Variants in GRID2 observed in about 807,000 individuals in gnomAD.
The protein encoded by GRID2 is glutamate ionotropic receptor delta type subunit 2, also known as glutamate receptor ionotropic, delta-2.
GRID2 carries 33 observed loss-of-function variants against 114.8 expected under a neutral mutation model. That is an observed-to-expected ratio of 0.29 (90% CI 0.22 to 0.38). The LOEUF (loss-of-function observed/expected upper bound fraction) is 0.38. Ranked by LOEUF, GRID2 falls within the 10% of genes least tolerant of loss-of-function variation. The pLI, the probability that GRID2 is intolerant of heterozygous loss-of-function variation, is 1.00. For synonymous variants in GRID2, 505 were observed against 449.9 expected (o/e 1.12, Z -1.55); for missense variants, 1,184 against 1,257.7 (o/e 0.94, Z 0.89).
chr4:92,410,260 C>T (rs1304392550), intron 1 of GRID2, among the ~76,000 whole-genome samples: 3 of 152,090 alleles, frequency 2.0e-5, no homozygotes, highest in Non-Finnish European at 4.4e-5. Context: ...AGGCTTCTTC[C>T]CATGACAGAG....
At chr4:93,569,758 C>G (rs1340280744) in intron 13 of GRID2, among the ~76,000 whole-genome samples, 1 of 152,054 alleles carries the variant, frequency 6.6e-6, no homozygotes, top group Admixed American at 6.6e-5. Flanking sequence ...ATGTGTATTT[C>G]ACCTCAAAGA....
chr4:93,678,373 A>G (rs1725134778), intron 14 of GRID2, among the ~76,000 whole-genome samples: 1 of 152,236 alleles, frequency 6.6e-6, no homozygotes. Context: ...ATCCAGGACA[A>G]CTTCCCCAAT....
intron 2 of GRID2, among the ~76,000 whole-genome samples, chr4:92,692,520 T>C (rs1024810329): frequency 2.6e-5 from 4 of 152,198 alleles, no homozygotes; most frequent in Non-Finnish European, 5.9e-5. Flanking sequence ...CTAAGTATAC[T>C]TAATAATATA....
chr4:93,690,306 T>C (rs1726445434), intron 14 of GRID2, among the ~76,000 whole-genome samples: 1 of 151,986 alleles, frequency 6.6e-6, no homozygotes, highest in Admixed American at 6.6e-5. Context: ...GAGGCAGGTG[T>C]GGAGGAAGGG....
chr4:93,618,943 T>TA (rs1741959554), intron 13 of GRID2, among the ~76,000 whole-genome samples: 2 of 152,300 alleles, frequency 1.3e-5, no homozygotes, highest in South Asian at 4.1e-4. Flanking sequence ...TTAAAAACTT[T>TA]AAAAAATATA....
intron 2 of GRID2, among the ~76,000 whole-genome samples, chr4:92,942,748 C>A (rs1751261624): frequency 6.6e-6 from 1 of 152,096 alleles, no homozygotes; most frequent in South Asian, 2.1e-4. Context: ...TTCAGGAGCT[C>A]TTTTAGGGCA....
Position 92,577,289 on chromosome 4 carries a change from G to T in GRID2, c.89-12842G>T, listed in dbSNP as rs550838376. Reference sequence around the variant, plus strand: ...AAGATTTCTCATATAGAGTATACAGGGGATGTCAGGGACCTGTCACTGGCT... The same window carrying T: ...AAGATTTCTCATATAGAGTATACAGTGGATGTCAGGGACCTGTCACTGGCT... On this transcript the variant is annotated intron_variant, in intron 1 of 15. Coordinates refer to ENST00000282020, the MANE Select transcript of GRID2 (RefSeq NM_001510.4). 8.8e-4 allele frequency among the ~76,000 whole-genome samples: 134 copies of T among 152,226 alleles called. 1 individual carries two copies. In the South Asian group the frequency reaches 0.027, roughly 30 times the overall value.
chr4:93,031,707 GCCTCC>G (rs1360180403), intron 2 of GRID2, among the ~76,000 whole-genome samples: 1 of 151,700 alleles, frequency 6.6e-6, no homozygotes, highest in East Asian at 1.9e-4. Flanking sequence ...AGATTGTGAG[GCCTCC>G]CCAGTCATGT....
intron 13 of GRID2, among the ~76,000 whole-genome samples, chr4:93,597,406 G>C (rs1301114882): frequency 2.0e-5 from 3 of 152,144 alleles, no homozygotes; most frequent in Non-Finnish European, 2.9e-5. Flanking sequence ...CAGTCTTCTA[G>C]TTCACAGGGA....
chr4:92,608,329 A>G (rs1729561717), intron 2 of GRID2, among the ~76,000 whole-genome samples: 1 of 151,856 alleles, frequency 6.6e-6, no homozygotes, highest in Non-Finnish European at 1.5e-5. Context: ...CAATCTTCAT[A>G]TACCAAAGTC....
intron 4 of GRID2, among the ~76,000 whole-genome samples, chr4:93,199,951 G>A (rs1455573178): frequency 1.3e-5 from 2 of 152,136 alleles, no homozygotes; most frequent in Non-Finnish European, 2.9e-5. Context: ...CCTTGAGAAG[G>A]TTGGAGTTTC....
intron 1 of GRID2, among the ~76,000 whole-genome samples, chr4:92,553,440 G>A (rs1243574860): frequency 1.3e-5 from 2 of 151,926 alleles, no homozygotes; most frequent in African/African-American, 4.8e-5. Context: ...GTTTCTTTAG[G>A]AGAATGTCAT....
rs192317492 is a variant in GRID2, at chr4:93,169,406, T to G, written c.736-37998T>G. Among the ~76,000 whole-genome samples the G allele has an allele frequency of 4.6e-5, 7 of 152,292 alleles. No homozygotes were observed. In the East Asian group the frequency reaches 1.4e-3, roughly 29 times the overall value. On this transcript the variant is annotated intron_variant, in intron 4 of 15. Transcript: ENST00000282020. ...TCTCGAAAATATGATATTCACAGTC[T>G]TACCAAGATTTTAATGTCCAGTGAT... is the stretch of plus-strand genomic sequence containing the variant.
chr4:92,934,591 G>C (rs1158141156), intron 2 of GRID2, among the ~76,000 whole-genome samples: 2 of 146,338 alleles, frequency 1.4e-5, no homozygotes, highest in African/African-American at 2.4e-5. Context: ...TCAATCCTAA[G>C]CCAAAAGAAC....
Position 93,784,029 on chromosome 4 carries a change from G to A in GRID2, c.221+14579G>A, listed in dbSNP as rs564388498. On this transcript the variant is annotated intron_variant, in intron 1 of 1. Coordinates refer to the GRID2 transcript ENST00000637838. ...GGAGCTTGCAGTGAGCCGAGATCCCGCCACTGCACTCCAGCCTGGGCGACA... is the reference window on the plus strand; with the variant it reads ...GGAGCTTGCAGTGAGCCGAGATCCCACCACTGCACTCCAGCCTGGGCGACA... Among the ~76,000 whole-genome samples, 11 of 113,408 alleles carry A rather than the reference G, an allele frequency of 9.7e-5. No homozygotes were observed. The South Asian group carries it at 2.7e-3, about 28-fold the overall frequency. The allele number at this position is 113,408 out of a possible 152,430, so 74.4% of individuals were successfully genotyped here. A position where few individuals can be genotyped will look rare whatever the true frequency, so the allele number is the denominator to read the frequency against.
At position 92,520,317 on chromosome 4, in the gene GRID2, T is replaced by C. The variant is rs201779774; in HGVS notation, c.89-69814T>C. Among the ~76,000 whole-genome samples the C allele has an allele frequency of 1.9e-4, 29 of 151,634 alleles. 3 individuals are homozygous for C. In the East Asian group the frequency reaches 5.7e-3, roughly 30 times the overall value. On this transcript the variant is annotated intron_variant, in intron 1 of 15. Coordinates refer to ENST00000282020, the MANE Select transcript of GRID2 (RefSeq NM_001510.4). ...AGTCAACATACCTTATGTTACATGA[T>C]GAGGAAATAAGAGAAGGAAGAAAAC...
At chr4:93,568,014 G>T (rs896720733) in intron 13 of GRID2, among the ~76,000 whole-genome samples, 9 of 152,144 alleles carry the variant, frequency 5.9e-5, no homozygotes, top group African/African-American at 1.9e-4. Flanking sequence ...GTAGCTTGGA[G>T]AATTACAAAG....
In GRID2 at chr4:93,471,698, AT is replaced by A. The variant is rs897411033; in HGVS notation, c.1858+15741del. On this transcript the variant is annotated intron_variant, in intron 11 of 15. Transcript: ENST00000282020. ...ATTGTTATTTCTTCTCCTGAATTCA[AT>A]TTTTTTTTTTTTTTTTGGAGACGGA... is the stretch of plus-strand genomic sequence containing the variant. 1.1e-3 allele frequency among the ~76,000 whole-genome samples: 70 copies of A among 60,996 alleles called. 4 individuals are homozygous for A. Among genetic ancestry groups the A allele is most frequent in the South Asian group, 1.6e-3 (3 of 1,892 alleles). 40.0% of individuals were successfully genotyped at this position (60,996 alleles called of 152,430 possible). A position where few individuals can be genotyped will look rare whatever the true frequency, so the allele number is the denominator to read the frequency against.
intron 2 of GRID2, among the ~76,000 whole-genome samples, chr4:92,947,097 A>G (rs1335553246): frequency 6.6e-6 from 1 of 152,082 alleles, no homozygotes; most frequent in East Asian, 1.9e-4. Flanking sequence ...ATGTTTGAGG[A>G]GGATATAACA....
Sources: allele counts gnomAD v4.1 joint callset (sites outside exome capture counted in the v4.1 genomes callset), GRCh38; gene constraint gnomAD v4.1.1; transcripts MANE v1.5; gene names NCBI Gene and HGNC (gene_info 2026-07-23, HGNC 2026-07-21).